INPP4B: variants seen among roughly 807,000 people sequenced by gnomAD.
INPP4B encodes the protein inositol polyphosphate-4-phosphatase type II B.
In INPP4B, 55 loss-of-function variants were observed where a neutral mutation model predicts 122.5. The ratio of observed to expected loss-of-function variants is 0.45; its 90% CI spans 0.36 to 0.56. The LOEUF (loss-of-function observed/expected upper bound fraction) is 0.56, where lower values mean the gene tolerates loss of function less well. Ranked by LOEUF, INPP4B falls within the 20% of genes least tolerant of loss-of-function variation. The pLI is 0.00. For synonymous variants in INPP4B, 403 were observed against 388.7 expected (o/e 1.04, Z -0.43); for missense variants, 1,000 against 1,097.7 (o/e 0.91, Z 1.26).
At chr4:142,189,449 G>A (rs1430373214) in intron 15 of INPP4B, among the ~76,000 whole-genome samples, 1 of 152,052 alleles carries the variant, frequency 6.6e-6, no homozygotes, top group African/African-American at 2.4e-5. Context: ...ATGTATTACA[G>A]AAACGGCATA....
intron 2 of INPP4B, among the ~76,000 whole-genome samples, chr4:142,606,230 G>C (rs1447825348): frequency 6.6e-6 from 1 of 151,970 alleles, no homozygotes; most frequent in East Asian, 1.9e-4. Context: ...GAACTAGAAT[G>C]ATAGATATCA....
At chr4:142,641,598 C>T (rs977720807) in intron 2 of INPP4B, among the ~76,000 whole-genome samples, 1 of 152,142 alleles carries the variant, frequency 6.6e-6, no homozygotes, top group South Asian at 2.1e-4. Flanking sequence ...AGGACATGAA[C>T]TCATCCTTTT....
At chr4:142,231,697 A>T (rs1189834881) in intron 12 of INPP4B, among the ~76,000 whole-genome samples, 1 of 151,774 alleles carries the variant, frequency 6.6e-6, no homozygotes, top group Non-Finnish European at 1.5e-5. Flanking sequence ...TCCCTTTTCC[A>T]CTCCCTTGGA....
At chr4:142,294,024 A>T (rs1014602535) in intron 9 of INPP4B, among the ~76,000 whole-genome samples, 1 of 152,178 alleles carries the variant, frequency 6.6e-6, no homozygotes, top group African/African-American at 2.4e-5. Context: ...GGAATAATAG[A>T]CACTGGAGAC....
intron 3 of INPP4B, among the ~76,000 whole-genome samples, chr4:142,435,967 AG>A (rs2149404461): frequency 6.6e-6 from 1 of 152,276 alleles, no homozygotes; most frequent in Non-Finnish European, 1.5e-5. Context: ...GAGGAGGGGC[AG>A]GAGCCAACAT....
intron 1 of INPP4B, among the ~76,000 whole-genome samples, chr4:142,769,260 A>G (rs561857085): frequency 3.9e-5 from 6 of 152,270 alleles, no homozygotes; most frequent in Non-Finnish European, 7.4e-5. Flanking sequence ...GGGTCTACCT[A>G]GTGCATGCTC....
intron 2 of INPP4B, among the ~76,000 whole-genome samples, chr4:142,608,098 TG>T (rs779411031): frequency 1.3e-5 from 2 of 152,200 alleles, no homozygotes; most frequent in Non-Finnish European, 2.9e-5. Context: ...TTTGGTTTTT[TG>T]TTTTAAATAA....
chr4:142,441,871 A>G (rs1156409302), intron 3 of INPP4B, among the ~76,000 whole-genome samples: 1 of 151,272 alleles, frequency 6.6e-6, no homozygotes, highest in Non-Finnish European at 1.5e-5. Context: ...TGCTGAAGTA[A>G]CATGGCCAGA....
At chr4:142,078,634 T>G (rs1261648552) in intron 25 of INPP4B, among the ~76,000 whole-genome samples, 8 of 152,046 alleles carry the variant, frequency 5.3e-5, no homozygotes, top group Non-Finnish European at 2.9e-5. Context: ...ATTTATTTAC[T>G]TTCATTTATA....
chr4:142,397,688 A>T (rs975159218), intron 7 of INPP4B, among the ~76,000 whole-genome samples: 30 of 151,746 alleles, frequency 2.0e-4, no homozygotes, highest in Admixed American at 4.6e-4. Context: ...AATACAAAAA[A>T]ATTAGCCGGG....
intron 14 of INPP4B, among the ~76,000 whole-genome samples, chr4:142,197,832 T>C (rs1182257070): frequency 3.9e-5 from 6 of 152,150 alleles, no homozygotes; most frequent in Admixed American, 3.9e-4. Context: ...AAACAGATTT[T>C]CCATGAGATT....
At chr4:142,585,793 A>G (rs1736043188) in intron 2 of INPP4B, among the ~76,000 whole-genome samples, 1 of 151,830 alleles carries the variant, frequency 6.6e-6, no homozygotes, top group Non-Finnish European at 1.5e-5. Flanking sequence ...TAGAGAGTAT[A>G]AGAGATTAGA....
intron 21 of INPP4B, among the ~76,000 whole-genome samples, chr4:142,113,669 T>A (rs1001465299): frequency 2.6e-5 from 4 of 151,996 alleles, no homozygotes; most frequent in Non-Finnish European, 5.9e-5. Context: ...TTATTTTTCT[T>A]TGTTTAATTG....
At chr4:142,247,218 G>C (rs542928572) in intron 11 of INPP4B, among the ~76,000 whole-genome samples, 1 of 152,228 alleles carries the variant, frequency 6.6e-6, no homozygotes. Flanking sequence ...GAGGATTTTC[G>C]CATCAATATT....
intron 2 of INPP4B, among the ~76,000 whole-genome samples, chr4:142,533,276 AAGAC>A (rs967689967): frequency 3.3e-5 from 5 of 152,134 alleles, no homozygotes; most frequent in African/African-American, 1.2e-4. Context: ...CTCTACTTAA[AAGAC>A]AGAGTCTACT....
At chr4:142,259,645 T>C (rs897237635) in intron 11 of INPP4B, among the ~76,000 whole-genome samples, 7 of 151,922 alleles carry the variant, frequency 4.6e-5, no homozygotes, top group East Asian at 1.9e-4. Flanking sequence ...TTTTACTTTA[T>C]ACACTTTTAA....
At chr4:142,583,791 A>T (rs969271820) in intron 2 of INPP4B, among the ~76,000 whole-genome samples, 2 of 152,134 alleles carry the variant, frequency 1.3e-5, no homozygotes, top group African/African-American at 4.8e-5. Flanking sequence ...TTTCAATTCT[A>T]CTTTTTCTGG....
intron 9 of INPP4B, among the ~76,000 whole-genome samples, chr4:142,303,781 A>G (rs931875056): frequency 2.0e-5 from 3 of 152,162 alleles, no homozygotes; most frequent in Non-Finnish European, 2.9e-5. Flanking sequence ...ACTAGGAATC[A>G]GGGGTATTAA....
intron 3 of INPP4B, among the ~76,000 whole-genome samples, chr4:142,449,829 A>AT (rs1813761053): frequency 6.6e-6 from 1 of 152,190 alleles, no homozygotes; most frequent in Non-Finnish European, 1.5e-5. Context: ...ATGAATAGGG[A>AT]ATTCTGCCAG....
Sources: allele counts gnomAD v4.1 joint callset (sites outside exome capture counted in the v4.1 genomes callset), GRCh38; gene constraint gnomAD v4.1.1; transcripts MANE v1.5; gene names NCBI Gene and HGNC (gene_info 2026-07-23, HGNC 2026-07-21).